The following HDAC9 variants were observed in gnomAD, a reference collection of about 807,000 sequenced individuals.
HDAC9 encodes MEF-2 interacting transcription repressor (MITR) protein.
In HDAC9, 41 loss-of-function variants were observed where a neutral mutation model predicts 139.4. The ratio of observed to expected loss-of-function variants is 0.29; its 90% CI spans 0.23 to 0.38. HDAC9 has a LOEUF of 0.38. Ranked by LOEUF, HDAC9 falls within the 10% of genes least tolerant of loss-of-function variation. HDAC9 has a pLI of 1.00. For synonymous variants in HDAC9, 517 were observed against 476.2 expected (o/e 1.09, Z -1.12); for missense variants, 1,147 against 1,297.0 (o/e 0.88, Z 1.78).
At chr7:18,968,424 CAGATAG>C (rs1004745609) in intron 24 of HDAC9, among the ~76,000 whole-genome samples, 22 of 152,046 alleles carry the variant, frequency 1.4e-4, no homozygotes, top group African/African-American at 4.6e-4. Context: ...AAACTATATA[CAGATAG>C]AGATAGAGAG....
chr7:18,413,069 C>T (rs1788723028), intron 1 of HDAC9, among the ~76,000 whole-genome samples: 1 of 152,104 alleles, frequency 6.6e-6, no homozygotes, highest in Non-Finnish European at 1.5e-5. Context: ...AGGATGTCTA[C>T]CTACTAAAAT....
At chr7:18,230,373 C>T (rs897519509) in intron 2 of HDAC9, among the ~76,000 whole-genome samples, 2 of 152,204 alleles carry the variant, frequency 1.3e-5, no homozygotes, top group Non-Finnish European at 2.9e-5. Flanking sequence ...GCACATGTTA[C>T]GTGCCCACGA....
At chr7:18,173,774 C>T (rs967469173) in intron 2 of HDAC9, among the ~76,000 whole-genome samples, 1 of 152,182 alleles carries the variant, frequency 6.6e-6, no homozygotes, top group African/African-American at 2.4e-5. Context: ...TTTTGGCCCC[C>T]ACTCTCTTCT....
At chr7:18,138,247 A>G (rs902421762) in intron 1 of HDAC9, among the ~76,000 whole-genome samples, 7 of 151,976 alleles carry the variant, frequency 4.6e-5, no homozygotes, top group Non-Finnish European at 8.8e-5. Flanking sequence ...TGATCCTTTC[A>G]AAAAACCAGC....
intron 22 of HDAC9, among the ~76,000 whole-genome samples, chr7:18,877,599 G>T (rs1385535812): frequency 1.3e-5 from 2 of 152,132 alleles, no homozygotes; most frequent in Non-Finnish European, 2.9e-5. Flanking sequence ...TATTTTCTTA[G>T]CACATTGAGT....
At chr7:18,874,664 GAC>G (rs1799185790) in intron 22 of HDAC9, 68 bp downstream of exon 22, 14 of 873,928 alleles carry the variant, frequency 1.6e-5, no homozygotes, top group Non-Finnish European at 2.6e-5. Flanking sequence ...CTTTATGATA[GAC>G]ACCACCTTTT....
chr7:18,410,592 G>C (rs1192075909), intron 1 of HDAC9, among the ~76,000 whole-genome samples: 1 of 152,104 alleles, frequency 6.6e-6, no homozygotes, highest in Non-Finnish European at 1.5e-5. Flanking sequence ...ATAAAGACTT[G>C]AATGACCTTT....
rs114587819 is a variant in HDAC9 at position 18,382,582 on chromosome 7, G to T, written c.-42+92067G>T. Among the ~76,000 whole-genome samples the T allele has an allele frequency of 5.0e-3, 768 of 152,336 alleles. 6 individuals carry two copies. Among genetic ancestry groups the T allele is most frequent in the African/African-American group, 0.017 (726 of 41,576 alleles). ...ATGGAGTGTATTATTTAGAGTGACT[G>T]TGTAGAGAAAGACAATAAGGAAACA... On this transcript the variant is annotated intron_variant, in intron 1 of 3. Coordinates refer to the HDAC9 transcript ENST00000413509.
chr7:18,935,754 G>C lies in HDAC9; in HGVS notation c.2804-55G>C. 3.3e-6 allele frequency: 5 copies of C among 1,519,648 alleles called. No homozygotes were observed. The South Asian group carries it at 4.6e-5, about 14-fold the overall frequency. 94.1% of individuals were successfully genotyped at this position (1,519,648 alleles called of 1,614,324 possible). On this transcript the variant is annotated intron_variant, in intron 22 of 25. Coordinates refer to ENST00000686413, the MANE Select transcript of HDAC9 (RefSeq NM_178425.4). ...AATACATGCTCAATGTTAGATTCTAGTGATCACTTTCTCTTGATTTAATAC... is the reference window on the plus strand; with the variant it reads ...AATACATGCTCAATGTTAGATTCTACTGATCACTTTCTCTTGATTTAATAC...
At chr7:18,175,038 G>T (rs1238579522) in intron 2 of HDAC9, among the ~76,000 whole-genome samples, 1 of 152,160 alleles carries the variant, frequency 6.6e-6, no homozygotes, top group Non-Finnish European at 1.5e-5. Context: ...ATTGCTTTTT[G>T]TTCAGCTATA....
chr7:18,604,738 C>T lies in HDAC9; in HGVS notation c.664+10709C>T, dbSNP rs138900195. Among the ~76,000 whole-genome samples, 818 of 152,154 alleles carry T rather than the reference C, an allele frequency of 5.4e-3. 4 individuals are homozygous for T. Among genetic ancestry groups the T allele is most frequent in the African/African-American group, 0.019 (784 of 41,500 alleles). ...ATTTCTACTGCTGTGCTTTTGATCTCCAGCATTCCCTTTTCAATCTTTCCT... is the reference window on the plus strand; with the variant it reads ...ATTTCTACTGCTGTGCTTTTGATCTTCAGCATTCCCTTTTCAATCTTTCCT... On this transcript the variant is annotated intron_variant, in intron 6 of 25. Transcript: ENST00000686413.
At chr7:18,946,443 A>C (rs1782408456) in intron 23 of HDAC9, among the ~76,000 whole-genome samples, 1 of 152,130 alleles carries the variant, frequency 6.6e-6, no homozygotes. Context: ...ATTATAAGGA[A>C]ACTTTGAATG....
intron 2 of HDAC9, among the ~76,000 whole-genome samples, chr7:18,215,497 A>G (rs1792242854): frequency 1.3e-5 from 2 of 152,190 alleles, no homozygotes; most frequent in Admixed American, 1.3e-4. Flanking sequence ...TAATGTGGGT[A>G]AATTGTTCCT....
intron 1 of HDAC9, among the ~76,000 whole-genome samples, chr7:18,097,253 A>G (rs1490505399): frequency 2.6e-5 from 4 of 152,032 alleles, no homozygotes; most frequent in Non-Finnish European, 5.9e-5. Context: ...TTGTTATTTG[A>G]TTTTGTTGTA....
intron 1 of HDAC9, among the ~76,000 whole-genome samples, chr7:18,331,424 G>A (rs930478690): frequency 2.0e-5 from 3 of 151,580 alleles, no homozygotes; most frequent in African/African-American, 7.3e-5. Context: ...AATTAGAATA[G>A]CTCTAATAAT....
intron 2 of HDAC9, among the ~76,000 whole-genome samples, chr7:18,573,938 A>G (rs1003233209): frequency 9.2e-5 from 14 of 152,150 alleles, no homozygotes; most frequent in African/African-American, 3.4e-4. Flanking sequence ...GGCAAGCGGG[A>G]GGGTGTGTTT....
At chr7:18,546,879 C>T (rs1815040193) in intron 2 of HDAC9, among the ~76,000 whole-genome samples, 2 of 152,104 alleles carry the variant, frequency 1.3e-5, no homozygotes, top group East Asian at 1.9e-4. Context: ...TTAGAGACCC[C>T]GTGGATAATC....
intron 1 of HDAC9, among the ~76,000 whole-genome samples, chr7:18,091,559 T>G (rs78114375): frequency 0.013 from 2,039 of 152,294 alleles, 49 homozygotes; most frequent in African/African-American, 0.047. Flanking sequence ...TCAAATAAAT[T>G]TATTAGAGGA....
At chr7:18,884,650 A>C (rs1018903837) in intron 22 of HDAC9, among the ~76,000 whole-genome samples, 2 of 152,248 alleles carry the variant, frequency 1.3e-5, no homozygotes, top group Admixed American at 6.5e-5. Flanking sequence ...ACAATGTTGA[A>C]GTGAACATCC....
Sources: allele counts gnomAD v4.1 joint callset (sites outside exome capture counted in the v4.1 genomes callset), GRCh38; gene constraint gnomAD v4.1.1; transcripts MANE v1.5; gene names NCBI Gene and HGNC (gene_info 2026-07-23, HGNC 2026-07-21).